Variants in PTPRD observed in about 807,000 individuals in gnomAD.
PTPRD encodes protein tyrosine phosphatase receptor type D.
A neutral mutation model predicts 214.5 loss-of-function variants in PTPRD; 34 were observed. The ratio of observed to expected loss-of-function variants is 0.16; its 90% CI spans 0.12 to 0.21. The LOEUF is 0.21. Among genes scored for constraint, PTPRD ranks in the 10% least tolerant of loss-of-function variants. The pLI is 1.00. For synonymous variants in PTPRD, 1,128 were observed against 845.7 expected (o/e 1.33, Z -5.79); for missense variants, 2,545 against 2,398.7 (o/e 1.06, Z -1.27).
intron 10 of PTPRD, among the ~76,000 whole-genome samples, chr9:9,027,173 C>T (rs1248789508): frequency 6.6e-6 from 1 of 151,736 alleles, no homozygotes; most frequent in African/African-American, 2.4e-5. Context: ...ACTACCTTCC[C>T]TCTCTGTTTT....
chr9:10,158,735 C>T (rs1333741277), intron 3 of PTPRD, among the ~76,000 whole-genome samples: 1 of 152,144 alleles, frequency 6.6e-6, no homozygotes, highest in Non-Finnish European at 1.5e-5. Context: ...AAATTTCCCC[C>T]TGACTTATTG....
chr9:8,391,355 A>C (rs1466996236), intron 36 of PTPRD, among the ~76,000 whole-genome samples: 1 of 152,196 alleles, frequency 6.6e-6, no homozygotes, highest in Non-Finnish European at 1.5e-5. Context: ...CCTTTTGAGC[A>C]AAACTTGAAA....
intron 10 of PTPRD, among the ~76,000 whole-genome samples, chr9:9,064,632 C>T (rs570653787): frequency 2.6e-4 from 40 of 152,312 alleles, no homozygotes; most frequent in Non-Finnish European, 5.6e-4. Context: ...ACATTTCCAT[C>T]GCTTTCTTTA....
chr9:8,908,005 C>T (rs767233558), intron 11 of PTPRD, among the ~76,000 whole-genome samples: 1 of 152,070 alleles, frequency 6.6e-6, no homozygotes, highest in African/African-American at 2.4e-5. Flanking sequence ...ACAGTATGGT[C>T]ACACAGTTGA....
chr9:10,231,630 G>T (rs2099610246), intron 3 of PTPRD, among the ~76,000 whole-genome samples: 1 of 151,952 alleles, frequency 6.6e-6, no homozygotes, highest in Non-Finnish European at 1.5e-5. Flanking sequence ...TTAACACTTA[G>T]GCAATTTGCC....
At chr9:10,198,891 C>A (rs979595395) in intron 3 of PTPRD, among the ~76,000 whole-genome samples, 1 of 151,984 alleles carries the variant, frequency 6.6e-6, no homozygotes, top group Admixed American at 6.6e-5. Flanking sequence ...AATAAAAAGA[C>A]ACATGTTAAA....
intron 3 of PTPRD, among the ~76,000 whole-genome samples, chr9:10,089,244 T>TAAATAG (rs2098401010): frequency 1.0e-5 from 1 of 96,870 alleles, no homozygotes; most frequent in South Asian, 3.5e-4. Context: ...TAAATAGAAA[T>TAAATAG]AAAATGATGA....
In PTPRD at chr9:9,585,120, T is replaced by A. The variant is rs1160580354; in HGVS notation, c.-286-10339A>T. Reference sequence around the variant, plus strand: ...TATTATCATTTTTGTTTCATTATGTTTTTATGTTCTCATGATTACATCTTA... The same window carrying A: ...TATTATCATTTTTGTTTCATTATGTATTTATGTTCTCATGATTACATCTTA... On this transcript the variant is annotated intron_variant, in intron 7 of 45. Coordinates refer to ENST00000381196, the MANE Select transcript of PTPRD (RefSeq NM_002839.4). Among the ~76,000 whole-genome samples the A allele has an allele frequency of 3.9e-5, 6 of 151,986 alleles. No homozygotes were observed. The East Asian group carries it at 1.2e-3, about 29-fold the overall frequency.
chr9:8,440,488 T>C (rs938711626), intron 34 of PTPRD, among the ~76,000 whole-genome samples: 1 of 152,106 alleles, frequency 6.6e-6, no homozygotes, highest in African/African-American at 2.4e-5. Context: ...CTAATTTTTA[T>C]ATTTTTAGTA....
intron 2 of PTPRD, among the ~76,000 whole-genome samples, chr9:10,350,470 A>C (rs1176667775): frequency 1.3e-5 from 2 of 151,800 alleles, no homozygotes; most frequent in Non-Finnish European, 2.9e-5. Flanking sequence ...TTATAAAATC[A>C]AAAAAAATTA....
intron 34 of PTPRD, among the ~76,000 whole-genome samples, chr9:8,445,936 G>C (rs1047223909): frequency 1.3e-5 from 2 of 152,162 alleles, no homozygotes; most frequent in East Asian, 3.9e-4. Context: ...AGAATGAGAA[G>C]ATACAGCAAC....
intron 7 of PTPRD, among the ~76,000 whole-genome samples, chr9:9,654,824 T>C (rs1481983521): frequency 2.0e-5 from 3 of 152,146 alleles, no homozygotes; most frequent in Admixed American, 6.5e-5. Flanking sequence ...CTTTCTCTCT[T>C]TAACTGATAC....
At chr9:9,719,967 G>A (rs976014395) in intron 7 of PTPRD, among the ~76,000 whole-genome samples, 3 of 152,100 alleles carry the variant, frequency 2.0e-5, no homozygotes, top group African/African-American at 4.8e-5. Context: ...AGGACCCCAC[G>A]CTTGATTGTT....
At chr9:9,428,528 G>C (rs1297872226) in intron 8 of PTPRD, among the ~76,000 whole-genome samples, 1 of 152,172 alleles carries the variant, frequency 6.6e-6, no homozygotes, top group Non-Finnish European at 1.5e-5. Flanking sequence ...TCCAGGAATT[G>C]AACTCAGCTC....
intron 11 of PTPRD, among the ~76,000 whole-genome samples, chr9:8,965,256 G>T (rs955476011): frequency 1.3e-5 from 2 of 151,954 alleles, no homozygotes; most frequent in African/African-American, 4.8e-5. Context: ...GGTGGCACAT[G>T]CCTATCTCAG....
chr9:9,413,488 C>G (rs929839711), intron 8 of PTPRD, among the ~76,000 whole-genome samples: 19 of 152,122 alleles, frequency 1.2e-4, no homozygotes, highest in Non-Finnish European at 1.0e-4. Flanking sequence ...TGCACAAATA[C>G]AATTAAATGG....
chr9:9,665,268 A>G (rs1270338686), intron 7 of PTPRD, among the ~76,000 whole-genome samples: 5 of 151,780 alleles, frequency 3.3e-5, no homozygotes, highest in African/African-American at 1.2e-4. Context: ...TAATTGATGT[A>G]AATAGAAACA....
At chr9:8,950,734 A>AGAATC (rs1024729241) in intron 11 of PTPRD, among the ~76,000 whole-genome samples, 1 of 151,848 alleles carries the variant, frequency 6.6e-6, no homozygotes, top group Non-Finnish European at 1.5e-5. Context: ...AGAGCTTGAA[A>AGAATC]GAATCTAAGA....
intron 3 of PTPRD, among the ~76,000 whole-genome samples, chr9:10,074,278 G>A (rs949989451): frequency 6.6e-6 from 1 of 152,094 alleles, no homozygotes; most frequent in South Asian, 2.1e-4. Context: ...ATAGTGGCCT[G>A]AGAATGTTTA....
Sources: allele counts gnomAD v4.1 joint callset (sites outside exome capture counted in the v4.1 genomes callset), GRCh38; gene constraint gnomAD v4.1.1; transcripts MANE v1.5; gene names NCBI Gene and HGNC (gene_info 2026-07-23, HGNC 2026-07-21).